The following RIT2 variants were observed in gnomAD, a reference collection of about 807,000 sequenced individuals.
RIT2 encodes Ras like without CAAX 2.
In RIT2, 24 loss-of-function variants were observed where a neutral mutation model predicts 23.7. The ratio of observed to expected loss-of-function variants is 1.01; its 90% CI spans 0.73 to 1.43. The LOEUF (loss-of-function observed/expected upper bound fraction) is 1.43. Among genes scored for constraint, RIT2 ranks in the 40% most tolerant of loss-of-function variants. RIT2 has a pLI of 0.00. For synonymous variants in RIT2, 107 were observed against 91.1 expected, an observed-to-expected ratio of 1.17 and a Z score of -0.99; for missense variants, 236 against 266.9, an observed-to-expected ratio of 0.88 and a Z score of 0.81.
At chr18:43,042,338 C>T (rs1047449337) in intron 1 of RIT2, among the ~76,000 whole-genome samples, 5 of 152,178 alleles carry the variant, frequency 3.3e-5, no homozygotes, top group African/African-American at 1.2e-4. Flanking sequence ...ACCATTCCTT[C>T]CTCATCTATT....
intron 4 of RIT2, among the ~76,000 whole-genome samples, chr18:42,779,160 C>A (rs1178474894): frequency 6.6e-6 from 1 of 152,134 alleles, no homozygotes; most frequent in African/African-American, 2.4e-5. Context: ...TGGCTTCTTC[C>A]TGCCTAGAGA....
chr18:42,770,987 A>T (rs626486), intron 4 of RIT2, among the ~76,000 whole-genome samples: 1 of 152,140 alleles, frequency 6.6e-6, no homozygotes. Context: ...AATTGTGCAA[A>T]TTGTATGAAC....
intron 4 of RIT2, among the ~76,000 whole-genome samples, chr18:42,840,221 T>C (rs1242655193): frequency 1.3e-5 from 2 of 152,244 alleles, no homozygotes; most frequent in African/African-American, 4.8e-5. Flanking sequence ...GGTAGCTGAC[T>C]CTCTTGCTAT....
At chr18:42,815,310 A>G (rs1251811703) in intron 4 of RIT2, among the ~76,000 whole-genome samples, 1 of 152,214 alleles carries the variant, frequency 6.6e-6, no homozygotes, top group East Asian at 1.9e-4. Context: ...ACACACTTAC[A>G]GAAATGCAAA....
intron 4 of RIT2, among the ~76,000 whole-genome samples, chr18:42,780,047 GTTTTTTTTTTTT>G (rs71175923): frequency 5.0e-5 from 3 of 59,568 alleles, no homozygotes; most frequent in Non-Finnish European, 6.1e-5. Context: ...CAATTTAGAG[GTTTTTTTTTTTT>G]TTTTTTTTTT....
chr18:42,918,919 G>T (rs483091), intron 4 of RIT2, among the ~76,000 whole-genome samples: 1 of 152,020 alleles, frequency 6.6e-6, no homozygotes, highest in African/African-American at 2.4e-5. Context: ...CAGTATCTTC[G>T]TTCTTCAAAT....
At chr18:42,766,580 T>C (rs1913426719) in intron 4 of RIT2, among the ~76,000 whole-genome samples, 1 of 152,136 alleles carries the variant, frequency 6.6e-6, no homozygotes, top group Non-Finnish European at 1.5e-5. Flanking sequence ...GACTATGCGA[T>C]AGAAAGAAAA....
chr18:42,978,858 C>T (rs1364427815), intron 2 of RIT2, among the ~76,000 whole-genome samples: 2 of 152,056 alleles, frequency 1.3e-5, no homozygotes, highest in Non-Finnish European at 2.9e-5. Context: ...GGCCATGAAA[C>T]CTTATTTGTA....
In RIT2 at chr18:42,837,726, C is replaced by T. The variant is rs182540903; in HGVS notation, c.426+85846G>A. On this transcript the variant is annotated intron_variant, in intron 4 of 4. Coordinates refer to ENST00000326695, the MANE Select transcript of RIT2 (RefSeq NM_002930.4). Reference sequence around the variant, plus strand: ...GGGTAAAACCTGGTCTTTCTGTAGTCCCAGTTTGAGCCATTAAGCCAATTT... The same window carrying T: ...GGGTAAAACCTGGTCTTTCTGTAGTTCCAGTTTGAGCCATTAAGCCAATTT... Among the ~76,000 whole-genome samples the T allele has an allele frequency of 5.8e-3, 889 of 152,116 alleles. 6 individuals are homozygous for T. The highest frequency in any genetic ancestry group is 0.02 in the African/African-American group (849 of 41,506).
intron 1 of RIT2, among the ~76,000 whole-genome samples, chr18:43,066,292 G>C (rs1329130805): frequency 2.0e-5 from 3 of 152,090 alleles, no homozygotes; most frequent in African/African-American, 7.2e-5. Flanking sequence ...ATTTATGATT[G>C]GCTATTTAAT....
chr18:42,804,224 C>G (rs113362197), intron 4 of RIT2, among the ~76,000 whole-genome samples: 1 of 152,114 alleles, frequency 6.6e-6, no homozygotes, highest in Non-Finnish European at 1.5e-5. Context: ...CAAGAAAGAA[C>G]ATTCACTCCA....
At chr18:43,042,111 G>A (rs1186047688) in intron 1 of RIT2, among the ~76,000 whole-genome samples, 4 of 152,100 alleles carry the variant, frequency 2.6e-5, no homozygotes, top group Non-Finnish European at 5.9e-5. Flanking sequence ...GAGAATTGAT[G>A]TCCTGTCAGT....
intron 2 of RIT2, among the ~76,000 whole-genome samples, chr18:42,980,202 T>C (rs556100961): frequency 2.0e-5 from 3 of 152,158 alleles, no homozygotes; most frequent in Admixed American, 6.5e-5. Context: ...TTTCCTATCA[T>C]AGAAGTAAAA....
intron 3 of RIT2, among the ~76,000 whole-genome samples, chr18:42,939,667 G>GT (rs144082533): frequency 0.055 from 8,298 of 151,512 alleles, 548 homozygotes; most frequent in East Asian, 0.32. Flanking sequence ...TGCCTATAAA[G>GT]TTTTTTTGCA....
chr18:42,912,350 C>T (rs1215656081), intron 4 of RIT2, among the ~76,000 whole-genome samples: 3 of 151,758 alleles, frequency 2.0e-5, no homozygotes, highest in Non-Finnish European at 2.9e-5. Flanking sequence ...GAATGCTTTG[C>T]TTCTAAGATT....
intron 2 of RIT2, among the ~76,000 whole-genome samples, chr18:42,977,422 T>C (rs1193236719): frequency 6.6e-6 from 1 of 151,972 alleles, no homozygotes. Flanking sequence ...CATCATCGGA[T>C]TTTGGCACAA....
intron 4 of RIT2, among the ~76,000 whole-genome samples, chr18:42,759,369 T>C (rs1430578239): frequency 6.6e-6 from 1 of 152,148 alleles, no homozygotes; most frequent in Admixed American, 6.5e-5. Context: ...TTCCATCTTA[T>C]ATGAACTGAA....
chr18:42,873,367 A>G (rs1222018729), intron 4 of RIT2, among the ~76,000 whole-genome samples: 1 of 152,134 alleles, frequency 6.6e-6, no homozygotes, highest in Non-Finnish European at 1.5e-5. Flanking sequence ...CCTAAGGTTC[A>G]TATTATTAGT....
intron 4 of RIT2, 83 bp downstream of exon 4, chr18:42,923,489 G>A: frequency 1.8e-6 from 2 of 1,126,360 alleles, no homozygotes; most frequent in South Asian, 1.5e-5. Context: ...AATTTTCAGT[G>A]TGAACCTGGG....
Sources: gnomAD v4.1 joint callset for allele counts (sites outside exome capture counted in the v4.1 genomes callset) on GRCh38, gnomAD v4.1.1 for gene constraint, MANE v1.5 for transcripts, NCBI Gene and HGNC (gene_info 2026-07-23, HGNC 2026-07-21) for gene names.